PRKG1: variants seen among roughly 807,000 people sequenced by gnomAD.
PRKG1 encodes protein kinase cGMP-dependent 1.
PRKG1 carries 35 observed loss-of-function variants against 88.1 expected under a neutral mutation model. The observed-to-expected ratio is 0.40, with a 90% CI of 0.30 to 0.53. PRKG1 has a LOEUF of 0.53. PRKG1 is among the 20% of genes least tolerant of loss of function. The probability of loss-of-function intolerance (pLI) is 0.59; values close to 1 mark genes in which losing one functional copy is unlikely to be tolerated. For synonymous variants in PRKG1, 303 were observed against 292.5 expected (o/e 1.04, Z -0.37); for missense variants, 540 against 839.8 (o/e 0.64, Z 4.41).
At chr10:51,316,682 C>T (rs1046036553) in intron 2 of PRKG1, among the ~76,000 whole-genome samples, 3 of 132,202 alleles carry the variant, frequency 2.3e-5, no homozygotes, top group Non-Finnish European at 3.3e-5. Context: ...GACTCCGTCT[C>T]AAAAAATAAA....
At chr10:51,675,625 C>G (rs750622270) in intron 3 of PRKG1, among the ~76,000 whole-genome samples, 66 of 152,140 alleles carry the variant, frequency 4.3e-4, no homozygotes, top group Non-Finnish European at 1.2e-4. Flanking sequence ...CTTATCTACC[C>G]AAAGTGTTTC....
At chr10:51,243,378 G>A (rs1039867871) in intron 2 of PRKG1, among the ~76,000 whole-genome samples, 1 of 152,190 alleles carries the variant, frequency 6.6e-6, no homozygotes, top group Non-Finnish European at 1.5e-5. Flanking sequence ...TAGCTGTGAA[G>A]CCAGAGCAGT....
chr10:51,183,052 A>T (rs1248258621), intron 2 of PRKG1, among the ~76,000 whole-genome samples: 1 of 152,216 alleles, frequency 6.6e-6, no homozygotes, highest in Non-Finnish European at 1.5e-5. Context: ...TGGTAAGAAA[A>T]AAAGACTAAT....
At chr10:51,586,733 ACTGT>A (rs1345721026) in intron 3 of PRKG1, among the ~76,000 whole-genome samples, 1 of 152,130 alleles carries the variant, frequency 6.6e-6, no homozygotes, top group Non-Finnish European at 1.5e-5. Flanking sequence ...TATTTTTCCT[ACTGT>A]CTGATACCCA....
At chr10:51,540,081 G>T (rs536117915) in intron 3 of PRKG1, among the ~76,000 whole-genome samples, 1 of 152,210 alleles carries the variant, frequency 6.6e-6, no homozygotes, top group Non-Finnish European at 1.5e-5. Flanking sequence ...TACTAACCAA[G>T]AATTTTTCTC....
intron 7 of PRKG1, among the ~76,000 whole-genome samples, chr10:52,091,364 A>T (rs770737200): frequency 2.6e-5 from 4 of 152,190 alleles, no homozygotes; most frequent in Non-Finnish European, 5.9e-5. Flanking sequence ...AGACCCACTT[A>T]GATAATCTCC....
intron 1 of PRKG1, among the ~76,000 whole-genome samples, chr10:51,091,630 T>G (rs1030349930): frequency 2.0e-5 from 3 of 152,132 alleles, no homozygotes; most frequent in African/African-American, 7.2e-5. Context: ...TGGCCTGGTT[T>G]TTGTTGTTGT....
intron 9 of PRKG1, among the ~76,000 whole-genome samples, chr10:52,164,297 G>T (rs535990601): frequency 1.9e-4 from 29 of 152,044 alleles, no homozygotes; most frequent in African/African-American, 6.5e-4. Flanking sequence ...GTTGCCGTGA[G>T]CCAAGACCGC....
At chr10:51,403,480 C>T (rs566810061) in intron 2 of PRKG1, among the ~76,000 whole-genome samples, 5 of 152,176 alleles carry the variant, frequency 3.3e-5, no homozygotes, top group Non-Finnish European at 7.4e-5. Flanking sequence ...TGAGTATTTA[C>T]TCTGTGCAAG....
At chr10:52,288,231 C>T (rs1842164042) in intron 14 of PRKG1, among the ~76,000 whole-genome samples, 1 of 151,932 alleles carries the variant, frequency 6.6e-6, no homozygotes, top group Non-Finnish European at 1.5e-5. Flanking sequence ...ACCTTCCAGA[C>T]CAAATAAGTA....
rs71459438 is a variant in PRKG1, at chr10:52,117,164, C to CTGTGTGTGTGTGTGTG, written c.936-16654_936-16639dup. Among the ~76,000 whole-genome samples, 294 of 139,306 alleles carry CTGTGTGTGTGTGTGTG rather than the reference C, an allele frequency of 2.1e-3. 3 individuals are homozygous for CTGTGTGTGTGTGTGTG. Among genetic ancestry groups the CTGTGTGTGTGTGTGTG allele is most frequent in the South Asian group, 3.8e-3 (16 of 4,208 alleles). 91.4% of individuals were successfully genotyped at this position (139,306 alleles called of 152,430 possible). ...ATGCATGGATATCTATGTGAAATAT[C>CTGTGTGTGTGTGTGTG]TGTGTGTGTGTGTGTGTGTGTGTGT... On this transcript the variant is annotated intron_variant, in intron 7 of 17. Coordinates refer to ENST00000373980, the MANE Select transcript of PRKG1 (RefSeq NM_006258.4).
chr10:52,003,021 C>T (rs1256677695), intron 5 of PRKG1, among the ~76,000 whole-genome samples: 1 of 152,140 alleles, frequency 6.6e-6, no homozygotes, highest in African/African-American at 2.4e-5. Flanking sequence ...TCTCATTTAC[C>T]GTTCTCAACT....
At chr10:51,642,690 G>A (rs1485781600) in intron 3 of PRKG1, among the ~76,000 whole-genome samples, 2 of 152,148 alleles carry the variant, frequency 1.3e-5, no homozygotes, top group Admixed American at 6.5e-5. Context: ...AGTTCTTAGA[G>A]AGCAAGGAAG....
chr10:51,695,769 A>G (rs1841273742), intron 3 of PRKG1: 1 of 152,220 alleles, frequency 6.6e-6, no homozygotes, highest in Non-Finnish European at 1.5e-5. Flanking sequence ...CAGCATAGGG[A>G]TGAAAACCTT....
Position 52,282,133 on chromosome 10 carries a change from T to C in PRKG1, c.1546-20T>C, listed in dbSNP as rs755939077. ...TTAATCATAAGGAGCTTAAGTATCT[T>C]GTTTTTCTCTCTTTGTAAGGTTGAT... On this transcript the variant is annotated intron_variant, in intron 13 of 17. Coordinates refer to ENST00000373980, the MANE Select transcript of PRKG1 (RefSeq NM_006258.4). 1.9e-6 allele frequency: 3 copies of C among 1,566,062 alleles called. No homozygotes were observed. The highest frequency in any genetic ancestry group is 2.6e-6 in the Non-Finnish European group (3 of 1,155,318).
chr10:51,536,135 G>A (rs1842145546), intron 3 of PRKG1, among the ~76,000 whole-genome samples: 1 of 152,150 alleles, frequency 6.6e-6, no homozygotes, highest in South Asian at 2.1e-4. Context: ...TGATTGTTTT[G>A]TGTGGAAAGA....
chr10:51,650,264 A>G lies in PRKG1; in HGVS notation c.593-154321A>G, dbSNP rs573858646. Reference sequence around the variant, plus strand: ...TCCATTTGCTGCTTAATCGTGTACCATGTCATGAAACCTCATGGTTTTTGT... The same window carrying G: ...TCCATTTGCTGCTTAATCGTGTACCGTGTCATGAAACCTCATGGTTTTTGT... On this transcript the variant is annotated intron_variant, in intron 3 of 17. Coordinates refer to ENST00000373980, the MANE Select transcript of PRKG1 (RefSeq NM_006258.4). Among the ~76,000 whole-genome samples, 8 of 152,228 alleles carry G rather than the reference A, an allele frequency of 5.3e-5. No individual in the cohort carries two copies. In the South Asian group the frequency reaches 1.2e-3, roughly 24 times the overall value.
intron 3 of PRKG1, among the ~76,000 whole-genome samples, chr10:51,746,179 T>A (rs1234868514): frequency 6.6e-6 from 1 of 152,166 alleles, no homozygotes; most frequent in East Asian, 1.9e-4. Context: ...ATCTTCTTCC[T>A]ATTTAGACTA....
At chr10:51,061,013 G>T (rs1461649747) in intron 1 of PRKG1, among the ~76,000 whole-genome samples, 1 of 149,398 alleles carries the variant, frequency 6.7e-6, no homozygotes, top group Non-Finnish European at 1.5e-5. Flanking sequence ...CTGCTCTTAG[G>T]AGTTTTCTGT....
Sources: gnomAD v4.1 joint callset for allele counts (sites outside exome capture counted in the v4.1 genomes callset) on GRCh38, gnomAD v4.1.1 for gene constraint, MANE v1.5 for transcripts, NCBI Gene and HGNC (gene_info 2026-07-23, HGNC 2026-07-21) for gene names.